DLX3: variants seen among roughly 807,000 people sequenced by gnomAD.
The protein encoded by DLX3 is homeobox protein DLX-3.
A neutral mutation model predicts 28.0 loss-of-function variants in DLX3; 9 were observed. The observed-to-expected ratio is 0.32, with a 90% CI of 0.19 to 0.56. The LOEUF (loss-of-function observed/expected upper bound fraction) is 0.56. DLX3 is among the 20% of genes least tolerant of loss of function. The probability of loss-of-function intolerance (pLI) is 0.91; values close to 1 mark genes in which losing one functional copy is unlikely to be tolerated. For missense variants in DLX3, 313 were observed against 378.2 expected (o/e 0.83, Z 1.43); for synonymous variants, 154 against 167.9 (o/e 0.92, Z 0.64).
chr17:49,994,862 G>T lies in DLX3; in HGVS notation c.137C>A (p.Pro46His), dbSNP rs1186733485. The T allele has an allele frequency of 6.2e-7, 1 of 1,614,130 alleles. No homozygotes were observed. Among genetic ancestry groups the T allele is most frequent in the Non-Finnish European group, 8.5e-7 (1 of 1,180,054 alleles). ...CTGGCCCGAGTAGTAATCGTGCTGG[G>T]GAGCGCTGTAGTAGCCCAGGTCAGT... ...SVTDLGYYSA[P>H]QHDYYSGQPY... The change falls in exon 1 of 3, where the codon CCC becomes CAC. Residue 46 changes from proline (P) to histidine (H), a missense_variant. Physicochemically the swap from Pro to His is moderately conservative, Grantham distance 77. Around this residue, in one of 3 missense-constraint regions of DLX3, gnomAD observed 183 missense variants for 197.7 expected, o/e 0.93. Coordinates refer to ENST00000434704, the MANE Select transcript of DLX3 (RefSeq NM_005220.3).
Position 49,991,221 on chromosome 17 carries a change from A to G in DLX3, c.*296T>C. The G allele has an allele frequency of 2.5e-6, 1 of 406,226 alleles. No homozygotes were observed. The highest frequency in any genetic ancestry group is 4.0e-5 in the East Asian group (1 of 25,040). 25.2% of individuals were successfully genotyped at this position (406,226 alleles called of 1,614,324 possible). A position where few individuals can be genotyped will look rare whatever the true frequency, so the allele number is the denominator to read the frequency against. On this transcript the variant is annotated 3_prime_UTR_variant, in exon 3 of 3. Transcript: ENST00000434704. ...GAAGCTGGAAGATGATGAGCCATTT[A>G]AAGCCAATCCAGGCTCCTGGAGCAG...
In DLX3 at chr17:49,991,101, C is replaced by T. The variant is rs181391099; in HGVS notation, c.*416G>A. 2.2e-5 allele frequency: 4 copies of T among 177,922 alleles called. No individual in the cohort carries two copies. The highest frequency in any genetic ancestry group is 2.7e-4 in the South Asian group (2 of 7,358). 11.0% of individuals were successfully genotyped at this position (177,922 alleles called of 1,614,324 possible). On this transcript the variant is annotated 3_prime_UTR_variant, in exon 3 of 3. Transcript: ENST00000434704. The stretch of plus-strand genomic sequence containing the variant: ...TAGGCCTGGCAAGTTTTAAGATCCA[C>T]GGTGCCAGGTGCCCCAGCACAGGCA...
rs1473411839 is a variant in DLX3 at position 49,990,563 on chromosome 17, GGT to G, written c.*952_*953del. On this transcript the variant is annotated 3_prime_UTR_variant, in exon 3 of 3. Transcript: ENST00000434704. ...CTGTTTCCAAGGCCACCGGAAAGGA[GGT>G]GTTTGGGGGTTTGTCTTGCCTGGTA... is the stretch of plus-strand genomic sequence containing the variant. The G allele has an allele frequency of 6.6e-6, 1 of 152,504 alleles. No individual in the cohort carries two copies. Among genetic ancestry groups the G allele is most frequent in the Admixed American group, 6.5e-5 (1 of 15,274 alleles). The allele number at this position is 152,504 out of a possible 1,614,324, so 9.4% of individuals were successfully genotyped here. A position where few individuals can be genotyped will look rare whatever the true frequency, so the allele number is the denominator to read the frequency against.
chr17:49,993,638 T>G lies in DLX3; in HGVS notation c.326-48A>C, dbSNP rs201931428. The G allele has an allele frequency of 7.0e-4, 1,116 of 1,589,406 alleles. 5 individuals are homozygous for G. The African/African-American group carries it at 0.013, about 18-fold the overall frequency. The stretch of plus-strand genomic sequence containing the variant: ...AAGAGGGGGCGGTTCAGCCTCGGCC[T>G]GCGACTCCTGCGACCCTCCAGGGCC... On this transcript the variant is annotated intron_variant, in intron 1 of 2. Transcript: ENST00000434704.
At position 49,991,315 on chromosome 17, in the gene DLX3, C is replaced by T; in HGVS notation, c.*202G>A. ...CTGGAGGGGTACCCCAGTGTCTAGG[C>T]AGAGGGAGGGAGGTTCAGGGGGCAT... is the stretch of plus-strand genomic sequence containing the variant. On this transcript the variant is annotated 3_prime_UTR_variant, in exon 3 of 3. Transcript: ENST00000434704. 1 of 578,210 alleles carries T rather than the reference C, an allele frequency of 1.7e-6. No individual in the cohort carries two copies. Among genetic ancestry groups the T allele is most frequent in the Non-Finnish European group, 3.0e-6 (1 of 329,884 alleles). 35.8% of individuals were successfully genotyped at this position (578,210 alleles called of 1,614,324 possible).
In DLX3 at chr17:49,993,731, C is replaced by A. The variant is rs562923127; in HGVS notation, c.326-141G>T. 3.1e-5 allele frequency: 31 copies of A among 989,086 alleles called. 1 individual carries two copies. The South Asian group carries it at 5.2e-4, about 17-fold the overall frequency. The allele number at this position is 989,086 out of a possible 1,614,324, so 61.3% of individuals were successfully genotyped here. The stretch of plus-strand genomic sequence containing the variant: ...ATTCCCGGCCGCGCGCTCCGCTGCC[C>A]GCGGCCCAGGGGGGAGCCGCGGCCC... On this transcript the variant is annotated intron_variant, in intron 1 of 2. Transcript: ENST00000434704.
In DLX3 at chr17:49,991,133, G is replaced by C; in HGVS notation, c.*384C>G. The C allele has an allele frequency of 5.1e-6, 1 of 195,798 alleles. No homozygotes were observed. Among genetic ancestry groups the C allele is most frequent in the Non-Finnish European group, 1.1e-5 (1 of 94,786 alleles). The allele number at this position is 195,798 out of a possible 1,614,324, so 12.1% of individuals were successfully genotyped here. On this transcript the variant is annotated 3_prime_UTR_variant, in exon 3 of 3. Coordinates refer to ENST00000434704, the MANE Select transcript of DLX3 (RefSeq NM_005220.3). ...AGGTGCCCCAGCACAGGCAGGACCC[G>C]CAAACCCTCCACACTCTCCCCCATC...
chr17:49,991,544 G>T lies in DLX3; in HGVS notation c.837C>A (p.Pro279=). 5.6e-6 allele frequency: 9 copies of T among 1,608,738 alleles called. No homozygotes were observed. Among genetic ancestry groups the T allele is most frequent in the South Asian group, 1.1e-5 (1 of 90,766 alleles). Residue 279 remains proline (P), a synonymous_variant, in exon 3 of 3, where the codon CCC becomes CCA. Coordinates refer to ENST00000434704, the MANE Select transcript of DLX3 (RefSeq NM_005220.3). ...AGTACACAGCCCCAGGGTTGGGCGG[G>T]GGCCCGGGAGAGGCATGGTGCAGGG... ...PATLHHASPG[P]PPNPGAVY
Position 49,990,021 on chromosome 17 carries a change from T to A in DLX3, c.*1496A>T, listed in dbSNP as rs1353176736. 3 of 152,736 alleles carry A rather than the reference T, an allele frequency of 2.0e-5. No individual in the cohort carries two copies. The highest frequency in any genetic ancestry group is 4.4e-5 in the Non-Finnish European group (3 of 68,046). The allele number at this position is 152,736 out of a possible 1,614,324, so 9.5% of individuals were successfully genotyped here. A position where few individuals can be genotyped will look rare whatever the true frequency, so the allele number is the denominator to read the frequency against. On this transcript the variant is annotated 3_prime_UTR_variant, in exon 3 of 3. Coordinates refer to ENST00000434704, the MANE Select transcript of DLX3 (RefSeq NM_005220.3). Reference sequence around the variant, plus strand: ...GCTCAGTGGTTATTTTCGTCTTTTTTATTAACATTATATATAAAGATGAGT... The same window carrying A: ...GCTCAGTGGTTATTTTCGTCTTTTTAATTAACATTATATATAAAGATGAGT...
chr17:49,994,640 T>C (rs1906213732), intron 1 of DLX3, 34 bp downstream of exon 1: 1 of 1,612,082 alleles, frequency 6.2e-7, no homozygotes, highest in Non-Finnish European at 8.5e-7. Flanking sequence ...CCTTCCAGTG[T>C]CTCCCACTGT....
chr17:49,990,255 C>G lies in DLX3; in HGVS notation c.*1262G>C, dbSNP rs898320565. The G allele has an allele frequency of 1.3e-5, 2 of 151,548 alleles. No individual in the cohort carries two copies. Among genetic ancestry groups the G allele is most frequent in the Admixed American group, 6.6e-5 (1 of 15,212 alleles). 9.4% of individuals were successfully genotyped at this position (151,548 alleles called of 1,614,324 possible). On this transcript the variant is annotated 3_prime_UTR_variant, in exon 3 of 3. Coordinates refer to ENST00000434704, the MANE Select transcript of DLX3 (RefSeq NM_005220.3). ...GGAACATGGCCACATAAATAGGAAACCGCAGCAGGGAGGAGGCTGCTTCTC... is the reference window on the plus strand; with the variant it reads ...GGAACATGGCCACATAAATAGGAAAGCGCAGCAGGGAGGAGGCTGCTTCTC...
At position 49,994,822 on chromosome 17, in the gene DLX3, C is replaced by T. The variant is rs747562297; in HGVS notation, c.177G>A (p.Thr59=). 1.2e-6 allele frequency: 2 copies of T among 1,614,242 alleles called. No individual in the cohort carries two copies. Among genetic ancestry groups the T allele is most frequent in the South Asian group, 1.1e-5 (1 of 91,088 alleles). The change falls in exon 1 of 3, where the codon ACG becomes ACA. Residue 59 remains threonine (T), a synonymous_variant. Transcript: ENST00000434704. ...GGTGGTGGTAGGTGTAGGGGTTCAC[C>T]GTCTGGCCATAGGGCTGGCCCGAGT... is the stretch of plus-strand genomic sequence containing the variant. ...DYYSGQPYGQ[T]VNPYTYHHQF...
chr17:49,991,793 C>T lies in DLX3; in HGVS notation c.588G>A (p.Glu196=). 1.2e-6 allele frequency: 2 copies of T among 1,614,114 alleles called. No homozygotes were observed. The highest frequency in any genetic ancestry group is 1.7e-6 in the Non-Finnish European group (2 of 1,180,004). The change falls in exon 3 of 3, where the codon GAG becomes GAA. Residue 196 remains glutamate, a synonymous_variant. Coordinates refer to ENST00000434704, the MANE Select transcript of DLX3 (RefSeq NM_005220.3). ...KLYKNGEVPL[E]HSPNNSDSMA... ...TGGAATCACTGTTATTGGGACTGTG[C>T]TCCAGCGGCACCTCCCCGTTCTTGT... is the stretch of plus-strand genomic sequence containing the variant.
At chr17:49,993,379 C>G (rs1341405658) in intron 2 of DLX3, 21 bp downstream of exon 2, 1 of 1,586,836 alleles carries the variant, frequency 6.3e-7, no homozygotes, top group Admixed American at 1.7e-5. Flanking sequence ...CCCCCGCGGC[C>G]CTGGACAGCC....
Position 49,991,189 on chromosome 17 carries a change from A to C in DLX3, c.*328T>G. 1 of 290,828 alleles carries C rather than the reference A, an allele frequency of 3.4e-6. No individual in the cohort carries two copies. Among genetic ancestry groups the C allele is most frequent in the African/African-American group, 2.2e-5 (1 of 46,030 alleles). The allele number at this position is 290,828 out of a possible 1,614,324, so 18.0% of individuals were successfully genotyped here. ...GTCTCCAGTCTGGGAACAGGCACTAAGTTTAAGAAGCTGGAAGATGATGAG... is the reference window on the plus strand; with the variant it reads ...GTCTCCAGTCTGGGAACAGGCACTACGTTTAAGAAGCTGGAAGATGATGAG... On this transcript the variant is annotated 3_prime_UTR_variant, in exon 3 of 3. Coordinates refer to ENST00000434704, the MANE Select transcript of DLX3 (RefSeq NM_005220.3).
rs762966408 is a variant in DLX3 at position 49,991,679 on chromosome 17, C to T, written c.702G>A (p.Pro234=). Residue 234 remains proline (P), a synonymous_variant, in exon 3 of 3, where the codon CCG becomes CCA. Transcript: ENST00000434704. ...AGCTGGGGGAGGCACTGTATGGGAG[C>T]GGCGGGGGCAGCTGACTGCGGGCAG... ...PAPARSQLPP[P]LPYSASPSYL... is the part of the protein sequence containing the mutation. The T allele has an allele frequency of 1.3e-5, 21 of 1,612,330 alleles. No individual in the cohort carries two copies. The East Asian group carries it at 1.8e-4, about 14-fold the overall frequency.
At position 49,995,036 on chromosome 17, in the gene DLX3, C is replaced by T. The variant is rs753696997; in HGVS notation, c.-38G>A. ...TGCACCTCCCCAGGGCTGGCCTCCG[C>T]AGAGGACAGGAACGGACCGGAGTGC... On this transcript the variant is annotated 5_prime_UTR_variant, in exon 1 of 3. Transcript: ENST00000434704. 12 of 1,602,264 alleles carry T rather than the reference C, an allele frequency of 7.5e-6. No homozygotes were observed. The highest frequency in any genetic ancestry group is 9.3e-6 in the Non-Finnish European group (11 of 1,178,094).
At position 49,990,374 on chromosome 17, in the gene DLX3, T is replaced by C. The variant is rs1906044845; in HGVS notation, c.*1143A>G. On this transcript the variant is annotated 3_prime_UTR_variant, in exon 3 of 3. Coordinates refer to ENST00000434704, the MANE Select transcript of DLX3 (RefSeq NM_005220.3). ...TTTTTTTTTTTTTTCAATGTTTTAC[T>C]GCATCAGGGGTGGGGGAAAGTTAGC... The C allele has an allele frequency of 6.6e-6, 1 of 150,650 alleles. No individual in the cohort carries two copies. The highest frequency in any genetic ancestry group is 1.5e-5 in the Non-Finnish European group (1 of 67,682). The allele number at this position is 150,650 out of a possible 1,614,324, so 9.3% of individuals were successfully genotyped here.
At chr17:49,991,928 A>C (rs1906107921) in intron 2 of DLX3, 64 bp from the exon 3 acceptor site, 1 of 1,518,846 alleles carries the variant, frequency 6.6e-7, no homozygotes, top group Non-Finnish European at 9.1e-7. Flanking sequence ...CCCTGGGAAG[A>C]ACCTAGCCAA....
Sources: allele counts gnomAD v4.1 joint callset, GRCh38; gene constraint gnomAD v4.1.1; regional missense constraint gnomAD v4.1.1; transcripts MANE v1.5; gene names NCBI Gene and HGNC (gene_info 2026-07-23, HGNC 2026-07-21).